HCK: variants seen among roughly 807,000 people sequenced by gnomAD.
The protein encoded by HCK is HCK proto-oncogene, Src family tyrosine kinase.
A neutral mutation model predicts 70.4 loss-of-function variants in HCK; 40 were observed. The ratio of observed to expected loss-of-function variants is 0.57; its 90% CI spans 0.44 to 0.74. The LOEUF is 0.74. Among genes scored for constraint, HCK ranks in the 30% least tolerant of loss-of-function variants. The pLI is 0.00. For missense variants in HCK, 568 were observed against 697.2 expected (o/e 0.81, Z 2.09); for synonymous variants, 245 against 263.2 (o/e 0.93, Z 0.67).
intron 8 of HCK, 65 bp downstream of exon 8, chr20:32,084,608 C>T (rs1242087891): frequency 6.9e-7 from 1 of 1,449,858 alleles, no homozygotes; most frequent in South Asian, 1.2e-5. Flanking sequence ...CCACTTGCTT[C>T]CAGGAACACC....
At chr20:32,075,041 G>A (rs1443779791) in intron 5 of HCK, among the ~76,000 whole-genome samples, 1 of 152,230 alleles carries the variant, frequency 6.6e-6, no homozygotes, top group African/African-American at 2.4e-5. Flanking sequence ...GAGAGCTGGT[G>A]AGAGCGGGGA....
intron 1 of HCK, among the ~76,000 whole-genome samples, chr20:32,053,637 CA>C (rs1160849578): frequency 0.041 from 2,516 of 60,678 alleles, 16 homozygotes; most frequent in Non-Finnish European, 0.057. Context: ...GACTCTGTCT[CA>C]AAAAAAAAAA....
intron 1 of HCK, chr20:32,054,135 A>G (rs954935694): frequency 2.3e-6 from 1 of 432,444 alleles, no homozygotes; most frequent in African/African-American, 2.0e-5. Context: ...ATTTTAAAAA[A>G]TTAATTTACT....
intron 5 of HCK, among the ~76,000 whole-genome samples, chr20:32,078,345 G>A (rs1043692337): frequency 7.3e-5 from 11 of 151,264 alleles, no homozygotes; most frequent in African/African-American, 2.4e-4. Context: ...GCGCCCAGCC[G>A]GGGGAGACAG....
chr20:32,073,868 A>T, intron 4 of HCK, 50 bp downstream of exon 4: 1 of 1,086,084 alleles, frequency 9.2e-7, no homozygotes. Flanking sequence ...CCTCTACTCA[A>T]CTATGTGCTC....
chr20:32,084,382 C>T lies in HCK; in HGVS notation c.683-9C>T, dbSNP rs371503935. 6.2e-7 allele frequency: 1 copy of T among 1,609,152 alleles called. No individual in the cohort carries two copies. The highest frequency in any genetic ancestry group is 1.1e-5 in the South Asian group (1 of 90,556). The stretch of plus-strand genomic sequence containing the variant: ...TGTTGCTCTCAATTGACCAGGGACT[C>T]TGTTCCAGAGGGGAACGACGGGCTC... On this transcript the variant is annotated splice_polypyrimidine_tract_variant and intron_variant, in intron 7 of 12. Coordinates refer to ENST00000375852, the MANE Select transcript of HCK (RefSeq NM_002110.5).
chr20:32,054,537 G>T (rs6121326), intron 1 of HCK, among the ~76,000 whole-genome samples: 138,407 of 138,600 alleles, frequency 1, 69,108 homozygotes, highest in Middle Eastern at 1. Flanking sequence ...CCGGACGCGG[G>T]GGCTCACGCC....
At chr20:32,055,153 G>C (rs2045251474) in intron 1 of HCK, among the ~76,000 whole-genome samples, 1 of 151,952 alleles carries the variant, frequency 6.6e-6, no homozygotes, top group Admixed American at 6.5e-5. Context: ...TGGCTCCCCA[G>C]AGAGGGCACC....
intron 1 of HCK, among the ~76,000 whole-genome samples, chr20:32,063,493 C>T (rs1341556820): frequency 6.6e-6 from 1 of 152,140 alleles, no homozygotes; most frequent in Non-Finnish European, 1.5e-5. Flanking sequence ...AAGCAATCCT[C>T]CCACCTCAGC....
intron 10 of HCK, among the ~76,000 whole-genome samples, chr20:32,090,972 C>T (rs574755456): frequency 1.6e-4 from 25 of 152,302 alleles, no homozygotes; most frequent in African/African-American, 5.5e-4. Flanking sequence ...CTCTACTAAG[C>T]CCTTGATGTA....
At chr20:32,095,624 G>A (rs1807072338) in intron 11 of HCK, among the ~76,000 whole-genome samples, 1 of 152,094 alleles carries the variant, frequency 6.6e-6, no homozygotes, top group Non-Finnish European at 1.5e-5. Context: ...TGGGGAGTTG[G>A]GAGAAATGAG....
intron 5 of HCK, among the ~76,000 whole-genome samples, chr20:32,075,618 T>A (rs149562095): frequency 6.6e-6 from 1 of 152,210 alleles, no homozygotes; most frequent in African/African-American, 2.4e-5. Context: ...GAGCTCTCCA[T>A]AACCCATCGT....
intron 6 of HCK, 55 bp downstream of exon 6, chr20:32,079,932 T>C: frequency 7.9e-7 from 1 of 1,264,796 alleles, no homozygotes; most frequent in Non-Finnish European, 1.1e-6. Context: ...CAGCTGGGGC[T>C]GGCCACCACC....
intron 1 of HCK, among the ~76,000 whole-genome samples, chr20:32,067,531 CTTTTTTTTTT>C (rs11482239): frequency 1.8e-5 from 2 of 110,334 alleles, no homozygotes; most frequent in African/African-American, 3.6e-5. Flanking sequence ...GATGCTTTTA[CTTTTTTTTTT>C]TTTTTTTTTT....
intron 1 of HCK, among the ~76,000 whole-genome samples, chr20:32,059,681 A>G (rs1174947833): frequency 1.3e-5 from 2 of 152,058 alleles, no homozygotes; most frequent in African/African-American, 4.8e-5. Context: ...CACCCAGCTA[A>G]TAAAAAAAAA....
intron 8 of HCK, among the ~76,000 whole-genome samples, chr20:32,085,741 G>A (rs762528074): frequency 1.3e-5 from 2 of 152,096 alleles, no homozygotes; most frequent in Admixed American, 1.3e-4. Context: ...GCAGGGTGGG[G>A]TGAGGGGAGG....
chr20:32,059,511 CT>C lies in HCK; in HGVS notation c.62+7035del, dbSNP rs10557922. ...CTTTCTTGCTTCTCTCTCTCTCTCTCTTTTTTTTTTCTTTTTCTTTTTGAGA... is the reference window on the plus strand; with the variant it reads ...CTTTCTTGCTTCTCTCTCTCTCTCTCTTTTTTTTTCTTTTTCTTTTTGAGA... On this transcript the variant is annotated intron_variant, in intron 1 of 12. Coordinates refer to ENST00000375852, the MANE Select transcript of HCK (RefSeq NM_002110.5). Among the ~76,000 whole-genome samples, 26 of 147,114 alleles carry C rather than the reference CT, an allele frequency of 1.8e-4. No individual in the cohort carries two copies. In the East Asian group the frequency reaches 1.8e-3, roughly 10 times the overall value.
intron 5 of HCK, among the ~76,000 whole-genome samples, chr20:32,076,856 G>A (rs1406809942): frequency 1.3e-5 from 2 of 152,038 alleles, no homozygotes; most frequent in Admixed American, 6.6e-5. Flanking sequence ...GAAGCCGAGG[G>A]AGGTGGAACA....
chr20:32,093,512 T>TGG, intron 10 of HCK, among the ~76,000 whole-genome samples: 1 of 149,006 alleles, frequency 6.7e-6, no homozygotes, highest in African/African-American at 2.6e-5. Context: ...TGTGTGTGTG[T>TGG]GTGTGTGTGT....
Sources: allele counts gnomAD v4.1 joint callset (sites outside exome capture counted in the v4.1 genomes callset), GRCh38; gene constraint gnomAD v4.1.1; transcripts MANE v1.5; gene names NCBI Gene and HGNC (gene_info 2026-07-23, HGNC 2026-07-21).